The following DIAPH3 variants were observed in gnomAD, a reference collection of about 807,000 sequenced individuals.
DIAPH3 encodes the protein protein diaphanous homolog 3.
A neutral mutation model predicts 144.3 loss-of-function variants in DIAPH3; 117 were observed. The observed-to-expected ratio is 0.81, with a 90% CI of 0.70 to 0.95. The LOEUF is 0.95. DIAPH3 is among the 40% of genes least tolerant of loss of function. The pLI is 0.00. For synonymous variants in DIAPH3, 519 were observed against 488.9 expected (o/e 1.06, Z -0.81); for missense variants, 1,421 against 1,412.7 (o/e 1.01, Z -0.09).
At chr13:59,837,039 C>T (rs1776885613) in intron 23 of DIAPH3, among the ~76,000 whole-genome samples, 1 of 152,008 alleles carries the variant, frequency 6.6e-6, no homozygotes, top group African/African-American at 2.4e-5. Flanking sequence ...TTAATTACTT[C>T]GAAACTAGTA....
intron 20 of DIAPH3, among the ~76,000 whole-genome samples, chr13:59,909,444 T>G (rs2046889236): frequency 6.6e-6 from 1 of 151,798 alleles, no homozygotes; most frequent in Admixed American, 6.6e-5. Flanking sequence ...AGCAGCCAGA[T>G]TGGAAATGGT....
chr13:59,753,078 G>T (rs1354770413), intron 27 of DIAPH3, among the ~76,000 whole-genome samples: 1 of 152,132 alleles, frequency 6.6e-6, no homozygotes, highest in African/African-American at 2.4e-5. Context: ...ATACTATCTG[G>T]ATAGCTCAGA....
intron 20 of DIAPH3, among the ~76,000 whole-genome samples, chr13:59,903,505 A>G (rs1044116626): frequency 6.6e-6 from 1 of 152,116 alleles, no homozygotes; most frequent in Non-Finnish European, 1.5e-5. Context: ...TCAAAACAAC[A>G]TGGCCTTCTG....
At chr13:59,680,177 C>T (rs965582539) in intron 27 of DIAPH3, among the ~76,000 whole-genome samples, 1 of 152,128 alleles carries the variant, frequency 6.6e-6, no homozygotes, top group African/African-American at 2.4e-5. Flanking sequence ...GAAACACACA[C>T]ACCTACACAT....
chr13:60,106,546 A>T, intron 3 of DIAPH3, among the ~76,000 whole-genome samples: 1 of 152,192 alleles, frequency 6.6e-6, no homozygotes, highest in East Asian at 1.9e-4. Flanking sequence ...ACATTTTTGT[A>T]CTTCAGCTCC....
chr13:59,973,008 C>G (rs1356248829), intron 15 of DIAPH3, among the ~76,000 whole-genome samples: 1 of 152,102 alleles, frequency 6.6e-6, no homozygotes, highest in Non-Finnish European at 1.5e-5. Flanking sequence ...AAGAATTTGC[C>G]AGTTGTTCAA....
intron 25 of DIAPH3, among the ~76,000 whole-genome samples, chr13:59,795,658 C>T (rs1187031998): frequency 2.0e-5 from 3 of 151,716 alleles, no homozygotes; most frequent in Non-Finnish European, 2.9e-5. Context: ...TTTCACTGTG[C>T]GTGCTAAGAT....
chr13:59,831,507 A>G (rs2041778930), intron 24 of DIAPH3, among the ~76,000 whole-genome samples: 1 of 151,876 alleles, frequency 6.6e-6, no homozygotes, highest in Admixed American at 6.6e-5. Flanking sequence ...AGCTTCTGTG[A>G]GTCTTGGTGT....
intron 27 of DIAPH3, among the ~76,000 whole-genome samples, chr13:59,725,761 C>T (rs1002505614): frequency 2.0e-5 from 3 of 152,142 alleles, no homozygotes; most frequent in African/African-American, 4.8e-5. Context: ...GCCTGACTTC[C>T]CTAGTGGTAG....
Position 59,970,932 on chromosome 13 carries a change from G to C in DIAPH3, c.1879C>G (p.Leu627Val), listed in dbSNP as rs764188118. 1.2e-6 allele frequency: 2 copies of C among 1,613,884 alleles called. No homozygotes were observed. The highest frequency in any genetic ancestry group is 1.7e-6 in the Non-Finnish European group (2 of 1,179,972). ...GFLGGQNSPP[L>V]PILPFGLKPK... is the part of the protein sequence containing the mutation. ...TTCAACCCAAATGGCAGGATTGGTA[G>C]AGGAGGAGAATTTTGTCCTCCAAGG... Residue 627 changes from leucine (L) to valine (V), a missense_variant, in exon 16 of 28, where the codon CTA (leucine) becomes GTA (valine). Leu to Val is a conservative substitution (Grantham distance 32, BLOSUM62 1). Coordinates refer to ENST00000400324, the MANE Select transcript of DIAPH3 (RefSeq NM_001042517.2).
intron 17 of DIAPH3, among the ~76,000 whole-genome samples, chr13:59,959,327 T>G (rs1263516649): frequency 1.3e-5 from 2 of 152,130 alleles, no homozygotes; most frequent in Non-Finnish European, 2.9e-5. Flanking sequence ...AATAAGAAAT[T>G]TTATGGCATA....
At chr13:59,987,750 T>A (rs149634933) in intron 12 of DIAPH3, among the ~76,000 whole-genome samples, 10,805 of 150,710 alleles carry the variant, frequency 0.072, 425 homozygotes, top group Admixed American at 0.11. Flanking sequence ...TGAAAAATGA[T>A]GTCACTCATC....
chr13:59,675,447 C>T (rs572684248), intron 27 of DIAPH3, among the ~76,000 whole-genome samples: 177 of 151,274 alleles, frequency 1.2e-3, no homozygotes, highest in African/African-American at 4.1e-3. Context: ...TGCAGTGGCA[C>T]GATCTCGGCT....
At chr13:59,715,309 G>A (rs1399082468) in intron 27 of DIAPH3, among the ~76,000 whole-genome samples, 1 of 152,066 alleles carries the variant, frequency 6.6e-6, no homozygotes, top group East Asian at 1.9e-4. Context: ...TTTGTTTAAT[G>A]CATCTGTTCT....
intron 27 of DIAPH3, among the ~76,000 whole-genome samples, chr13:59,713,483 G>T (rs117618151): frequency 6.6e-6 from 1 of 152,172 alleles, no homozygotes; most frequent in Non-Finnish European, 1.5e-5. Context: ...TGCAGGCACC[G>T]TGCAGAGTGA....
intron 27 of DIAPH3, among the ~76,000 whole-genome samples, chr13:59,712,922 T>A (rs2034826194): frequency 6.6e-6 from 1 of 152,162 alleles, no homozygotes; most frequent in South Asian, 2.1e-4. Context: ...CTTCATATCA[T>A]CAGGCATTAG....
rs767869020 is a variant in DIAPH3, at chr13:60,042,821, C to T, written c.496-1G>A. 3.1e-6 allele frequency: 5 copies of T among 1,612,980 alleles called. No individual in the cohort carries two copies. The highest frequency in any genetic ancestry group is 4.2e-6 in the Non-Finnish European group (5 of 1,179,322). On this transcript the variant is annotated splice_acceptor_variant, in intron 4 of 27. Transcript: ENST00000400324. LOFTEE classifies it high-confidence loss of function. Reference sequence around the variant, plus strand: ...TCTGTCGGCTTCTCTTAAGACTTCCCTATAAAATAAGTCAAAAAATGTTTT... The same window carrying T: ...TCTGTCGGCTTCTCTTAAGACTTCCTTATAAAATAAGTCAAAAAATGTTTT...
At chr13:59,713,118 T>C (rs573187670) in intron 27 of DIAPH3, among the ~76,000 whole-genome samples, 2 of 152,248 alleles carry the variant, frequency 1.3e-5, no homozygotes. Context: ...TGCTAACCAG[T>C]ACCTATCTGT....
At chr13:59,835,849 G>A (rs1305102769) in intron 23 of DIAPH3, among the ~76,000 whole-genome samples, 1 of 151,658 alleles carries the variant, frequency 6.6e-6, no homozygotes, top group Non-Finnish European at 1.5e-5. Context: ...GAAAAATGCT[G>A]TACATTATGC....
Sources: allele counts gnomAD v4.1 joint callset (sites outside exome capture counted in the v4.1 genomes callset), GRCh38; gene constraint gnomAD v4.1.1; transcripts MANE v1.5; gene names NCBI Gene and HGNC (gene_info 2026-07-23, HGNC 2026-07-21).